SRPK2: variants seen among roughly 807,000 people sequenced by gnomAD.
SRPK2 encodes SFRS protein kinase 2.
A neutral mutation model predicts 90.8 loss-of-function variants in SRPK2; 21 were observed. The observed-to-expected ratio is 0.23, with a 90% CI of 0.16 to 0.33. The LOEUF is 0.33. Among genes scored for constraint, SRPK2 ranks in the 10% least tolerant of loss-of-function variants. The pLI is 1.00. For missense variants in SRPK2, 620 were observed against 869.0 expected, an observed-to-expected ratio of 0.71 and a Z score of 3.60; for synonymous variants, 288 against 311.1, an observed-to-expected ratio of 0.93 and a Z score of 0.78.
intron 2 of SRPK2, among the ~76,000 whole-genome samples, chr7:105,319,122 T>C (rs1812619333): frequency 6.6e-6 from 1 of 152,190 alleles, no homozygotes; most frequent in Admixed American, 6.5e-5. Context: ...ATTTCAAAAT[T>C]AATTTGGAAA....
chr7:105,301,080 C>T (rs1434472358), intron 2 of SRPK2, among the ~76,000 whole-genome samples: 4 of 152,138 alleles, frequency 2.6e-5, no homozygotes, highest in Non-Finnish European at 5.9e-5. Context: ...ATGTTTATTG[C>T]GGCATTATTC....
intron 2 of SRPK2, among the ~76,000 whole-genome samples, chr7:105,232,365 A>T (rs1186954536): frequency 6.6e-6 from 1 of 151,930 alleles, no homozygotes; most frequent in Non-Finnish European, 1.5e-5. Flanking sequence ...AGGCTGAGAC[A>T]GGAGAATCGC....
chr7:105,377,418 C>CAG (rs1563308360), intron 2 of SRPK2, among the ~76,000 whole-genome samples: 3 of 152,040 alleles, frequency 2.0e-5, no homozygotes, highest in Admixed American at 6.6e-5. Flanking sequence ...CCAGGCTGGG[C>CAG]GCGGTGGCTC....
intron 2 of SRPK2, among the ~76,000 whole-genome samples, chr7:105,360,240 T>C (rs969627813): frequency 7.2e-6 from 1 of 138,384 alleles, no homozygotes; most frequent in African/African-American, 2.5e-5. Context: ...TTGGTACATC[T>C]TCCTCCATCC....
At chr7:105,290,025 A>G (rs1808746710) in intron 2 of SRPK2, among the ~76,000 whole-genome samples, 1 of 152,162 alleles carries the variant, frequency 6.6e-6, no homozygotes. Context: ...CACACACAGC[A>G]TGTATCAACT....
intron 2 of SRPK2, among the ~76,000 whole-genome samples, chr7:105,298,205 G>A (rs1052853198): frequency 3.3e-5 from 5 of 152,030 alleles, no homozygotes; most frequent in Admixed American, 3.3e-4. Flanking sequence ...CTACCTCTTG[G>A]CAACTACTGA....
chr7:105,289,359 T>A (rs1014641878), intron 2 of SRPK2, among the ~76,000 whole-genome samples: 1 of 152,148 alleles, frequency 6.6e-6, no homozygotes, highest in Non-Finnish European at 1.5e-5. Flanking sequence ...CAGTGTATAC[T>A]TAAAAATAAA....
At chr7:105,215,790 A>G (rs1461523005) in intron 2 of SRPK2, among the ~76,000 whole-genome samples, 3 of 152,230 alleles carry the variant, frequency 2.0e-5, no homozygotes, top group Admixed American at 6.5e-5. Flanking sequence ...AGACAAATCT[A>G]TAGAAACAGA....
intron 2 of SRPK2, among the ~76,000 whole-genome samples, chr7:105,223,951 G>T (rs901411822): frequency 5.3e-5 from 8 of 152,114 alleles, no homozygotes; most frequent in Non-Finnish European, 1.0e-4. Flanking sequence ...TAAGGAGCAG[G>T]CTATGCATAT....
At chr7:105,146,392 C>G in intron 8 of SRPK2, 101 bp downstream of exon 8, 1 of 1,258,286 alleles carries the variant, frequency 7.9e-7, no homozygotes, top group African/African-American at 1.5e-5. Context: ...TTTCCAAAAT[C>G]TTCCTTATGT....
intron 1 of SRPK2, among the ~76,000 whole-genome samples, chr7:105,396,207 G>T (rs1218630232): frequency 1.3e-5 from 2 of 151,776 alleles, no homozygotes; most frequent in Non-Finnish European, 2.9e-5. Flanking sequence ...GAGCCACCAC[G>T]CCCGGCTAGT....
chr7:105,177,959 G>T (rs1464861389), intron 3 of SRPK2, among the ~76,000 whole-genome samples: 1 of 151,456 alleles, frequency 6.6e-6, no homozygotes, highest in Non-Finnish European at 1.5e-5. Flanking sequence ...AACCCGGAAG[G>T]TGGAGCTTGC....
intron 3 of SRPK2, among the ~76,000 whole-genome samples, chr7:105,170,781 AC>A (rs1790740541): frequency 1.4e-5 from 1 of 71,222 alleles, no homozygotes; most frequent in Non-Finnish European, 2.7e-5. Context: ...GGAAGGAAGG[AC>A]GGGAGGGAGG....
chr7:105,278,683 G>A (rs1806848650), intron 2 of SRPK2, among the ~76,000 whole-genome samples: 1 of 150,478 alleles, frequency 6.6e-6, no homozygotes, highest in African/African-American at 2.5e-5. Flanking sequence ...CAGACTCCGT[G>A]AAGAAGGAAA....
chr7:105,357,309 G>A (rs1437752011), intron 2 of SRPK2, among the ~76,000 whole-genome samples: 1 of 152,156 alleles, frequency 6.6e-6, no homozygotes, highest in Non-Finnish European at 1.5e-5. Context: ...AAAGTGCTGC[G>A]ATTACAGGCG....
intron 2 of SRPK2, among the ~76,000 whole-genome samples, chr7:105,315,111 A>G (rs1023652543): frequency 3.9e-5 from 6 of 152,178 alleles, no homozygotes; most frequent in East Asian, 1.9e-4. Context: ...TCCCACCTCT[A>G]TTTTTAAAAA....
chr7:105,225,868 T>C (rs1798644169), intron 2 of SRPK2, among the ~76,000 whole-genome samples: 1 of 152,020 alleles, frequency 6.6e-6, no homozygotes, highest in Non-Finnish European at 1.5e-5. Flanking sequence ...CAGACACATG[T>C]GGCTATTTAA....
At chr7:105,182,218 C>T (rs1585085340) in intron 3 of SRPK2, among the ~76,000 whole-genome samples, 1 of 113,446 alleles carries the variant, frequency 8.8e-6, no homozygotes, top group African/African-American at 3.5e-5. Context: ...GCAACAAGTG[C>T]AAGACTCTGT....
Position 105,301,844 on chromosome 7 carries a change from G to A in SRPK2, c.71+86804C>T. On this transcript the variant is annotated intron_variant, in intron 2 of 15. Coordinates refer to ENST00000393651, the MANE Select transcript of SRPK2 (RefSeq NM_182692.3). The stretch of plus-strand genomic sequence containing the variant: ...TGTTTGAATATGCCAAAGACAATAA[G>A]AGCAGTTCATGGAGAATCACAATCC... 7.0e-6 allele frequency: 11 copies of A among 1,565,508 alleles called. No homozygotes were observed. In the South Asian group the frequency reaches 1.2e-4, roughly 17 times the overall value.
Sources: allele counts gnomAD v4.1 joint callset (sites outside exome capture counted in the v4.1 genomes callset), GRCh38; gene constraint gnomAD v4.1.1; transcripts MANE v1.5; gene names NCBI Gene and HGNC (gene_info 2026-07-23, HGNC 2026-07-21).